The following SPARCL1 variants were observed in gnomAD, a reference collection of about 807,000 sequenced individuals.
SPARCL1 encodes the protein SPARC-like protein 1.
In SPARCL1, 52 loss-of-function variants were observed where a neutral mutation model predicts 67.1. The observed-to-expected ratio is 0.78, with a 90% CI of 0.62 to 0.98. SPARCL1 has a LOEUF of 0.98. Ranked by LOEUF, SPARCL1 falls within the 50% of genes least tolerant of loss-of-function variation. The pLI is 0.00. For missense variants in SPARCL1, 717 were observed against 782.4 expected (o/e 0.92, Z 1.00); for synonymous variants, 226 against 267.8 (o/e 0.84, Z 1.52).
chr4:87,475,925 A>G (rs1467131583), intron 10 of SPARCL1, among the ~76,000 whole-genome samples: 1 of 152,232 alleles, frequency 6.6e-6, no homozygotes, highest in African/African-American at 2.4e-5. Context: ...ACATGCACTC[A>G]TATGCTCGTT....
rs149572232 is a variant in SPARCL1 at position 87,492,827 on chromosome 4, A to G, written c.1218+755T>C. ...GCCAGGATTTTGAATGAAAGCTCCA[A>G]ATATGCTTCCTCCCTGCCCCGATCC... On this transcript the variant is annotated intron_variant, in intron 4 of 10. Coordinates refer to ENST00000282470, the MANE Select transcript of SPARCL1 (RefSeq NM_004684.6). Among the ~76,000 whole-genome samples the G allele has an allele frequency of 4.2e-3, 636 of 152,232 alleles. 7 individuals carry two copies. The highest frequency in any genetic ancestry group is 0.024 in the South Asian group (114 of 4,810).
At chr4:87,480,611 A>T (rs1311263520) in intron 8 of SPARCL1, 91 bp from the exon 9 acceptor site, 1 of 1,248,680 alleles carries the variant, frequency 8.0e-7, no homozygotes, top group Non-Finnish European at 1.1e-6. Context: ...GAGTGACAGT[A>T]ACACGATAGG....
intron 2 of SPARCL1, among the ~76,000 whole-genome samples, chr4:87,497,913 G>A (rs1724688680): frequency 6.6e-6 from 1 of 152,140 alleles, no homozygotes; most frequent in African/African-American, 2.4e-5. Flanking sequence ...TGCCATGGCA[G>A]CTGGCTAATT....
intron 1 of SPARCL1, among the ~76,000 whole-genome samples, chr4:87,526,262 G>A (rs1726037818): frequency 6.6e-6 from 1 of 152,138 alleles, no homozygotes; most frequent in African/African-American, 2.4e-5. Context: ...CCCCCACCAG[G>A]GGAAAATAGT....
At chr4:87,511,503 C>G (rs1018495817) in intron 1 of SPARCL1, among the ~76,000 whole-genome samples, 1 of 152,086 alleles carries the variant, frequency 6.6e-6, no homozygotes, top group Non-Finnish European at 1.5e-5. Context: ...AGCTTGCATG[C>G]TGTAGCATGA....
Position 87,493,797 on chromosome 4 carries a change from G to A in SPARCL1, c.1003C>T (p.His335Tyr). 6.2e-7 allele frequency: 1 copy of A among 1,614,030 alleles called. No homozygotes were observed. Among genetic ancestry groups the A allele is most frequent in the Non-Finnish European group, 8.5e-7 (1 of 1,179,998 alleles). The change falls in exon 4 of 11, where the codon CAT becomes TAT. Residue 335 changes from histidine (H) to tyrosine (Y), a missense_variant. Transcript: ENST00000282470. ...TDDGNTTPRNHGVDDDGDDDG... is the reference protein window; with the variant it reads ...TDDGNTTPRNYGVDDDGDDDG... ...TCATCGCCATCATCATCAACTCCAT[G>A]ATTTCTGGGCGTGGTATTACCATCA...
chr4:87,504,579 G>A (rs898017476), intron 1 of SPARCL1, among the ~76,000 whole-genome samples: 2 of 152,126 alleles, frequency 1.3e-5, no homozygotes, highest in Non-Finnish European at 2.9e-5. Context: ...AGATCACTGA[G>A]CTCTGTAGAA....
At chr4:87,503,775 C>T (rs931616167) in intron 1 of SPARCL1, among the ~76,000 whole-genome samples, 3 of 150,186 alleles carry the variant, frequency 2.0e-5, no homozygotes, top group Non-Finnish European at 3.0e-5. Context: ...GCCTCCTAGG[C>T]TCAAGTGATT....
chr4:87,512,885 A>T (rs1725427203), intron 1 of SPARCL1, among the ~76,000 whole-genome samples: 1 of 152,252 alleles, frequency 6.6e-6, no homozygotes, highest in Non-Finnish European at 1.5e-5. Flanking sequence ...CATAGGCTGT[A>T]ATACTTAATT....
chr4:87,499,331 C>G (rs1322097711), intron 2 of SPARCL1, among the ~76,000 whole-genome samples, 190 bp downstream of exon 2: 1 of 152,018 alleles, frequency 6.6e-6, no homozygotes, highest in Non-Finnish European at 1.5e-5. Flanking sequence ...CCTGATAGTT[C>G]TAAAATTTTT....
chr4:87,520,055 C>A (rs1725741724), intron 1 of SPARCL1, among the ~76,000 whole-genome samples: 1 of 152,010 alleles, frequency 6.6e-6, no homozygotes, highest in Non-Finnish European at 1.5e-5. Flanking sequence ...GCCCAGCCAA[C>A]ATGGTGAAAC....
chr4:87,513,797 C>G, intron 1 of SPARCL1, among the ~76,000 whole-genome samples: 2 of 152,302 alleles, frequency 1.3e-5, no homozygotes, highest in Non-Finnish European at 2.9e-5. Context: ...AACATATTTA[C>G]TTTTAGTTCA....
chr4:87,474,805 C>T (rs1034971807), intron 10 of SPARCL1, among the ~76,000 whole-genome samples: 1 of 143,076 alleles, frequency 7.0e-6, no homozygotes, highest in Non-Finnish European at 1.5e-5. Flanking sequence ...TGAAGTGGCG[C>T]AGTCTCGGCT....
At chr4:87,479,397 A>G (rs368382534) in intron 10 of SPARCL1, 33 bp downstream of exon 10, 52 of 1,605,156 alleles carry the variant, frequency 3.2e-5, no homozygotes, top group Admixed American at 1.3e-4. Flanking sequence ...GAGGAAGAAG[A>G]CATCCCTCTT....
intron 1 of SPARCL1, among the ~76,000 whole-genome samples, chr4:87,524,831 C>G (rs1291058323): frequency 6.6e-6 from 1 of 152,146 alleles, no homozygotes; most frequent in Admixed American, 6.5e-5. Flanking sequence ...GTAATAACTA[C>G]TACTTATTGA....
At chr4:87,500,139 C>T (rs1724785831) in intron 1 of SPARCL1, among the ~76,000 whole-genome samples, 1 of 152,116 alleles carries the variant, frequency 6.6e-6, no homozygotes, top group Non-Finnish European at 1.5e-5. Flanking sequence ...ATTTTAAATT[C>T]CAGAGGTTTC....
intron 1 of SPARCL1, among the ~76,000 whole-genome samples, chr4:87,510,216 C>T (rs944396246): frequency 2.0e-5 from 3 of 151,732 alleles, no homozygotes; most frequent in South Asian, 2.1e-4. Flanking sequence ...ATATGTGTTC[C>T]GCATGTCTCT....
intron 1 of SPARCL1, chr4:87,528,633 T>A (rs764287979): frequency 6.6e-6 from 1 of 152,164 alleles, no homozygotes; most frequent in Non-Finnish European, 1.5e-5. Context: ...AATTTAAACA[T>A]GGAAAACATA....
intron 10 of SPARCL1, among the ~76,000 whole-genome samples, chr4:87,475,065 A>G (rs1723533831): frequency 6.6e-6 from 1 of 152,188 alleles, no homozygotes. Context: ...TGAGCAAATG[A>G]ATGAGTAAAT....
Sources: allele counts gnomAD v4.1 joint callset (sites outside exome capture counted in the v4.1 genomes callset), GRCh38; gene constraint gnomAD v4.1.1; transcripts MANE v1.5; gene names NCBI Gene and HGNC (gene_info 2026-07-23, HGNC 2026-07-21).